PCDH9: variants seen among roughly 807,000 people sequenced by gnomAD.
The protein encoded by PCDH9 is protocadherin 9.
A neutral mutation model predicts 70.6 loss-of-function variants in PCDH9; 24 were observed. The ratio of observed to expected loss-of-function variants is 0.34; its 90% CI spans 0.25 to 0.48. PCDH9 has a LOEUF of 0.48. PCDH9 is among the 20% of genes least tolerant of loss of function. The pLI is 0.99. For missense variants in PCDH9, 1,281 were observed against 1,503.6 expected (o/e 0.85, Z 2.45); for synonymous variants, 562 against 558.5 (o/e 1.01, Z -0.09).
At chr13:66,371,011 T>C (rs1193975556) in intron 4 of PCDH9, among the ~76,000 whole-genome samples, 1 of 152,148 alleles carries the variant, frequency 6.6e-6, no homozygotes, top group East Asian at 1.9e-4. Context: ...TTAGAAATGA[T>C]AATGACACAG....
At chr13:67,161,225 AG>A (rs1315338941) in intron 2 of PCDH9, among the ~76,000 whole-genome samples, 1 of 152,226 alleles carries the variant, frequency 6.6e-6, no homozygotes, top group Non-Finnish European at 1.5e-5. Flanking sequence ...TTCAAATATA[AG>A]GAAAGTCTCA....
chr13:66,445,764 C>G (rs1337466986), intron 4 of PCDH9, among the ~76,000 whole-genome samples: 2 of 144,200 alleles, frequency 1.4e-5, no homozygotes, highest in Non-Finnish European at 3.0e-5. Context: ...ATAATACATA[C>G]ACATATATAT....
chr13:66,758,333 A>G (rs2079569110), intron 3 of PCDH9, among the ~76,000 whole-genome samples: 1 of 152,070 alleles, frequency 6.6e-6, no homozygotes, highest in South Asian at 2.1e-4. Context: ...TGTCACTGAC[A>G]TCTACCCAAC....
intron 2 of PCDH9, among the ~76,000 whole-genome samples, chr13:67,006,723 T>C (rs2139832332): frequency 6.6e-6 from 1 of 152,324 alleles, no homozygotes; most frequent in East Asian, 1.9e-4. Context: ...TTCATTTGTT[T>C]AGCTCCTGTT....
At chr13:66,521,822 C>T (rs954125092) in intron 4 of PCDH9, among the ~76,000 whole-genome samples, 2 of 151,916 alleles carry the variant, frequency 1.3e-5, no homozygotes, top group African/African-American at 2.4e-5. Context: ...GTCTCTCTAA[C>T]CTTAGTATAT....
chr13:67,184,752 A>G (rs1291811653), intron 2 of PCDH9, among the ~76,000 whole-genome samples: 4 of 152,104 alleles, frequency 2.6e-5, no homozygotes. Context: ...ACAAACAAAT[A>G]AAACCCTAAG....
At chr13:67,051,105 T>C (rs112179280) in intron 2 of PCDH9, among the ~76,000 whole-genome samples, 10 of 152,296 alleles carry the variant, frequency 6.6e-5, no homozygotes, top group East Asian at 1.9e-4. Flanking sequence ...AGCTAATGTT[T>C]AGAAATTCCA....
intron 4 of PCDH9, among the ~76,000 whole-genome samples, chr13:66,474,939 T>C (rs1022333509): frequency 1.3e-5 from 2 of 152,070 alleles, no homozygotes; most frequent in African/African-American, 4.8e-5. Context: ...ATCCCAAGAA[T>C]AATTGACAGT....
intron 2 of PCDH9, among the ~76,000 whole-genome samples, chr13:67,172,461 CAG>C (rs1339310639): frequency 6.6e-6 from 1 of 152,102 alleles, no homozygotes; most frequent in Non-Finnish European, 1.5e-5. Flanking sequence ...AGAATGGTAA[CAG>C]AGAGTTGGCT....
chr13:66,414,189 G>A lies in PCDH9; in HGVS notation c.3341-109161C>T, dbSNP rs574262257. On this transcript the variant is annotated intron_variant, in intron 4 of 4. Coordinates refer to ENST00000377865, the MANE Select transcript of PCDH9 (RefSeq NM_203487.3). ...ACTTTAAATTTCACTCTGCAATTTG[G>A]AACAGATTTGATCAACTTGCTTTCA... Among the ~76,000 whole-genome samples, 209 of 152,142 alleles carry A rather than the reference G, an allele frequency of 1.4e-3. 1 individual carries two copies. The highest frequency in any genetic ancestry group is 4.6e-4 in the Non-Finnish European group (31 of 67,996).
At chr13:66,409,372 C>T (rs1957334278) in intron 4 of PCDH9, among the ~76,000 whole-genome samples, 1 of 152,100 alleles carries the variant, frequency 6.6e-6, no homozygotes, top group African/African-American at 2.4e-5. Context: ...TACATATTTA[C>T]TTTGGTTTGC....
At chr13:66,639,245 A>G (rs1430134467) in intron 3 of PCDH9, among the ~76,000 whole-genome samples, 1 of 152,152 alleles carries the variant, frequency 6.6e-6, no homozygotes, top group Non-Finnish European at 1.5e-5. Flanking sequence ...TTTTGTTCTA[A>G]CTTACTACTC....
intron 2 of PCDH9, among the ~76,000 whole-genome samples, chr13:67,116,967 T>C (rs953539741): frequency 5.9e-5 from 9 of 152,160 alleles, no homozygotes; most frequent in African/African-American, 2.2e-4. Flanking sequence ...CGACTTTATA[T>C]AATCAAACTT....
chr13:66,735,599 AT>A (rs1194890439), intron 3 of PCDH9, among the ~76,000 whole-genome samples: 1 of 152,166 alleles, frequency 6.6e-6, no homozygotes, highest in Non-Finnish European at 1.5e-5. Flanking sequence ...TAGAGTCAGA[AT>A]TTCATGAAAC....
chr13:66,396,566 G>T (rs778002482), intron 4 of PCDH9, among the ~76,000 whole-genome samples: 9 of 144,400 alleles, frequency 6.2e-5, no homozygotes, highest in Admixed American at 2.3e-4. Context: ...GATCATAAAT[G>T]AATATACGAA....
At chr13:66,719,480 G>A (rs1008693988) in intron 3 of PCDH9, among the ~76,000 whole-genome samples, 1 of 152,116 alleles carries the variant, frequency 6.6e-6, no homozygotes, top group African/African-American at 2.4e-5. Context: ...TCAGTAACAA[G>A]GTACACTCTA....
chr13:67,145,493 A>T (rs1473452202), intron 2 of PCDH9, among the ~76,000 whole-genome samples: 2 of 152,036 alleles, frequency 1.3e-5, no homozygotes, highest in African/African-American at 4.8e-5. Flanking sequence ...TAATAACAAG[A>T]AGAGACTATT....
intron 2 of PCDH9, among the ~76,000 whole-genome samples, chr13:67,050,988 G>T (rs75985662): frequency 0.046 from 6,972 of 152,216 alleles, 318 homozygotes; most frequent in African/African-American, 0.12. Context: ...ACAAGCAATA[G>T]ATATAGATCT....
intron 4 of PCDH9, among the ~76,000 whole-genome samples, chr13:66,415,545 G>C (rs1394874797): frequency 6.6e-6 from 1 of 152,134 alleles, no homozygotes; most frequent in Non-Finnish European, 1.5e-5. Flanking sequence ...CGATCAGACT[G>C]TTTTGCTACA....
Sources: allele counts gnomAD v4.1 joint callset (sites outside exome capture counted in the v4.1 genomes callset), GRCh38; gene constraint gnomAD v4.1.1; transcripts MANE v1.5; gene names NCBI Gene and HGNC (gene_info 2026-07-23, HGNC 2026-07-21).